SVIL: variants seen among roughly 807,000 people sequenced by gnomAD.
SVIL encodes the protein supervillin, also known as archvillin.
A neutral mutation model predicts 240.4 loss-of-function variants in SVIL; 101 were observed. That is an observed-to-expected ratio of 0.42 (90% CI 0.36 to 0.50). SVIL has a LOEUF of 0.50. Ranked by LOEUF, SVIL falls within the 20% of genes least tolerant of loss-of-function variation. The pLI, the probability that SVIL is intolerant of heterozygous loss-of-function variation, is 0.01. For synonymous variants in SVIL, 999 were observed against 1,100.0 expected (o/e 0.91, Z 1.82); for missense variants, 2,512 against 2,818.7 (o/e 0.89, Z 2.46).
intron 29 of SVIL, among the ~76,000 whole-genome samples, chr10:29,478,279 T>C (rs967449184): frequency 4.6e-5 from 7 of 152,230 alleles, no homozygotes; most frequent in African/African-American, 1.7e-4. Context: ...TTAATTGTTA[T>C]TGTTATTGTT....
chr10:29,689,062 C>T (rs558361357), intron 1 of SVIL, among the ~76,000 whole-genome samples: 2 of 152,252 alleles, frequency 1.3e-5, no homozygotes, highest in South Asian at 4.1e-4. Flanking sequence ...TTGATATTTG[C>T]TAAGCTCTAG....
chr10:29,643,872 G>T (rs1245904582), intron 3 of SVIL: 2 of 428,528 alleles, frequency 4.7e-6, no homozygotes, highest in Non-Finnish European at 9.4e-6. Flanking sequence ...AACACAAAGA[G>T]AACTGCTGGC....
At chr10:29,611,765 C>T (rs1957252677) in intron 1 of SVIL, among the ~76,000 whole-genome samples, 1 of 152,194 alleles carries the variant, frequency 6.6e-6, no homozygotes, top group Non-Finnish European at 1.5e-5. Context: ...AACTTCTGGT[C>T]TCAACCAGTC....
At position 29,713,262 on chromosome 10, in the gene SVIL, C is replaced by CTGTGTGTGTG. The variant is rs10647219; in HGVS notation, c.-400+22479_-400+22488dup. Among the ~76,000 whole-genome samples the CTGTGTGTGTG allele has an allele frequency of 1.1e-3, 159 of 148,568 alleles. 1 individual carries two copies. The highest frequency in any genetic ancestry group is 3.6e-3 in the African/African-American group (144 of 40,442). ...TAAAACTAAGAAGTTGTACATGCCT[C>CTGTGTGTGTG]TGTGTGTGTGTGTGTGTGTGTGTGT... On this transcript the variant is annotated intron_variant, in intron 1 of 35. Transcript: ENST00000375400.
In SVIL at chr10:29,550,044, C is replaced by T. The variant is rs569094954; in HGVS notation, c.827+553G>A. Among the ~76,000 whole-genome samples the T allele has an allele frequency of 1.9e-3, 234 of 126,036 alleles. 1 individual carries two copies. The highest frequency in any genetic ancestry group is 6.8e-3 in the African/African-American group (225 of 32,978). 82.7% of individuals were successfully genotyped at this position (126,036 alleles called of 152,430 possible). The stretch of plus-strand genomic sequence containing the variant: ...TAAAAAAAAAAAAAAAAAAGAATTA[C>T]GAAGAAAAGAAAAAGAAAAAAAAAA... On this transcript the variant is annotated intron_variant, in intron 6 of 37. Transcript: ENST00000355867.
chr10:29,502,531 G>A (rs1948977351), intron 17 of SVIL, among the ~76,000 whole-genome samples: 1 of 152,174 alleles, frequency 6.6e-6, no homozygotes, highest in Admixed American at 6.5e-5. Context: ...GGAATAGTAA[G>A]AGAGAGTTGA....
At position 29,495,194 on chromosome 10, in the gene SVIL, C is replaced by G. The variant is rs1354623676; in HGVS notation, c.3665-13G>C. ...GGTGACGCCAAACCTGTGGAACACA[C>G]AGACGAGCTACTGAGCATCTCAGGG... is the stretch of plus-strand genomic sequence containing the variant. On this transcript the variant is annotated splice_polypyrimidine_tract_variant and intron_variant, in intron 18 of 37. Coordinates refer to ENST00000355867, the MANE Select transcript of SVIL (RefSeq NM_021738.3). The G allele has an allele frequency of 1.5e-6, 2 of 1,377,310 alleles. No individual in the cohort carries two copies. The highest frequency in any genetic ancestry group is 1.8e-5 in the Admixed American group (1 of 54,640). 85.3% of individuals were successfully genotyped at this position (1,377,310 alleles called of 1,614,324 possible).
chr10:29,696,451 C>G (rs1335975408), intron 1 of SVIL, among the ~76,000 whole-genome samples: 1 of 150,860 alleles, frequency 6.6e-6, no homozygotes. Context: ...CCTGGCTGCC[C>G]AGTCTGGAAA....
rs186431696 is a variant in SVIL at position 29,587,364 on chromosome 10, C to T, written c.-200-18052G>A. On this transcript the variant is annotated intron_variant, in intron 1 of 37. Transcript: ENST00000355867. ...CAGCCAGTCCCCAGCCACCAGCCTC[C>T]GCAGTCTGCCTAATAAGGCAATCTG... is the stretch of plus-strand genomic sequence containing the variant. 2.4e-3 allele frequency among the ~76,000 whole-genome samples: 361 copies of T among 152,352 alleles called. 1 individual carries two copies. Among genetic ancestry groups the T allele is most frequent in the African/African-American group, 7.9e-3 (330 of 41,588 alleles).
In SVIL at chr10:29,499,166, G is replaced by C; in HGVS notation, c.3614C>G (p.Ala1205Gly). The C allele has an allele frequency of 2.5e-6, 4 of 1,614,050 alleles. No homozygotes were observed. The highest frequency in any genetic ancestry group is 2.5e-6 in the Non-Finnish European group (3 of 1,179,986). The stretch of plus-strand genomic sequence containing the variant: ...AGTGAACTGGGTCGAGTCGTTGGCC[G>C]CTCCTCTGCCTCTCGTCTTCCAGGC... ...EEAWKTRGRG[A>G]ANDSTQFTVA... Residue 1205 changes from alanine to glycine, a missense_variant, in exon 18 of 38, where the codon GCG (alanine) becomes GGG (glycine). Around this residue, in one of 3 missense-constraint regions of SVIL, gnomAD observed 272 missense variants for 406.8 expected, o/e 0.67. Transcript: ENST00000355867.
chr10:29,593,782 T>C (rs1054688415), intron 1 of SVIL, among the ~76,000 whole-genome samples: 1 of 152,212 alleles, frequency 6.6e-6, no homozygotes, highest in African/African-American at 2.4e-5. Flanking sequence ...AGGAAAATAA[T>C]GTCATTAAAT....
intron 1 of SVIL, among the ~76,000 whole-genome samples, chr10:29,584,374 C>T (rs1461159431): frequency 6.6e-6 from 1 of 152,182 alleles, no homozygotes; most frequent in Non-Finnish European, 1.5e-5. Context: ...ACTGGAGATT[C>T]GTTCCTTATC....
intron 6 of SVIL, among the ~76,000 whole-genome samples, chr10:29,543,800 T>C (rs1169337619): frequency 6.6e-6 from 1 of 152,202 alleles, no homozygotes; most frequent in Non-Finnish European, 1.5e-5. Flanking sequence ...TAAAAAGCCT[T>C]GTTCTCATAA....
At chr10:29,521,357 G>A (rs750499285) in intron 16 of SVIL, among the ~76,000 whole-genome samples, 2 of 152,116 alleles carry the variant, frequency 1.3e-5, no homozygotes, top group Non-Finnish European at 2.9e-5. Flanking sequence ...GCAGACTTCC[G>A]TGTGGTGGGA....
At chr10:29,513,410 A>C (rs1785397975) in intron 16 of SVIL, among the ~76,000 whole-genome samples, 1 of 152,158 alleles carries the variant, frequency 6.6e-6, no homozygotes, top group Non-Finnish European at 1.5e-5. Context: ...CTCTACTAAA[A>C]ATACAAAAAT....
At chr10:29,616,288 C>T (rs1274655369) in intron 1 of SVIL, among the ~76,000 whole-genome samples, 1 of 152,176 alleles carries the variant, frequency 6.6e-6, no homozygotes, top group Non-Finnish European at 1.5e-5. Flanking sequence ...CCACCCACTT[C>T]GGCCTCCCAA....
At chr10:29,604,363 C>CT (rs71525560) in intron 1 of SVIL, among the ~76,000 whole-genome samples, 5,133 of 38,276 alleles carry the variant, frequency 0.13, 1,314 homozygotes, top group Non-Finnish European at 0.22. Context: ...CCATGTCTGG[C>CT]TTTTTTTTTT....
intron 1 of SVIL, among the ~76,000 whole-genome samples, chr10:29,687,610 T>C (rs1228184404): frequency 6.6e-6 from 1 of 152,138 alleles, no homozygotes; most frequent in Non-Finnish European, 1.5e-5. Context: ...GGAAGGGAGG[T>C]TGCAGTTAGC....
At position 29,471,154 on chromosome 10, in the gene SVIL, T is replaced by C; in HGVS notation, c.5619A>G (p.Glu1873=). 6.2e-7 allele frequency: 1 copy of C among 1,613,706 alleles called. No homozygotes were observed. Among genetic ancestry groups the C allele is most frequent in the Non-Finnish European group, 8.5e-7 (1 of 1,179,890 alleles). ...GTGACTTACTTTGCACATTTTCTTC[T>C]TCCTCTTCCCGCCTCCCCGAGTGCA... ...MVVHSGRREE[E]EENVQSEWRL... The change falls in exon 31 of 38, where the codon GAA becomes GAG. Residue 1873 remains glutamate, a synonymous_variant. Coordinates refer to ENST00000355867, the MANE Select transcript of SVIL (RefSeq NM_021738.3).
Sources: gnomAD v4.1 joint callset for allele counts (sites outside exome capture counted in the v4.1 genomes callset) on GRCh38, gnomAD v4.1.1 for gene constraint, gnomAD v4.1.1 regional missense constraint, MANE v1.5 for transcripts, NCBI Gene and HGNC (gene_info 2026-07-23, HGNC 2026-07-21) for gene names.